OR3A2: variants seen among roughly 807,000 people sequenced by gnomAD.
The protein encoded by OR3A2 is olfactory receptor 3A2.
For missense variants in OR3A2, 318 were observed against 392.8 expected, an observed-to-expected ratio of 0.81 and a Z score of 1.61; for synonymous variants, 126 against 159.3, an observed-to-expected ratio of 0.79 and a Z score of 1.57.
At chr17:3,292,597 A>C in intron 3 of OR3A2, 1 of 1,578,720 alleles carries the variant, frequency 6.3e-7, no homozygotes. Flanking sequence ...TCCTGCAAAG[A>C]AACATCCAGG....
At chr17:3,364,257 TATA>T (rs2049544201) in intron 2 of OR3A2, among the ~76,000 whole-genome samples, 1 of 152,240 alleles carries the variant, frequency 6.6e-6, no homozygotes, top group African/African-American at 2.4e-5. Flanking sequence ...ATTTATGGGG[TATA>T]ATATGTTTTG....
intron 2 of OR3A2, among the ~76,000 whole-genome samples, chr17:3,352,218 T>C (rs1412219192): frequency 1.3e-5 from 2 of 151,906 alleles, no homozygotes; most frequent in Non-Finnish European, 2.9e-5. Flanking sequence ...CTTCACTTTG[T>C]TGATTGCTTC....
chr17:3,304,592 G>A (rs1393142098), intron 3 of OR3A2, among the ~76,000 whole-genome samples: 4 of 152,162 alleles, frequency 2.6e-5, no homozygotes, highest in Non-Finnish European at 5.9e-5. Flanking sequence ...AGTAAATCTG[G>A]TCCCTGTCAC....
At chr17:3,367,608 T>TA (rs2049576221) in intron 2 of OR3A2, among the ~76,000 whole-genome samples, 1 of 129,624 alleles carries the variant, frequency 7.7e-6, no homozygotes, top group African/African-American at 3.3e-5. Context: ...TGTGTATATA[T>TA]ATATATATAT....
At chr17:3,376,604 T>C (rs2150667548) in intron 2 of OR3A2, among the ~76,000 whole-genome samples, 1 of 152,278 alleles carries the variant, frequency 6.6e-6, no homozygotes, top group African/African-American at 2.4e-5. Context: ...CCAGCTTCCA[T>C]GCAGCCAGAA....
intron 1 of OR3A2, among the ~76,000 whole-genome samples, chr17:3,385,379 G>A (rs2049768972): frequency 6.6e-6 from 1 of 152,106 alleles, no homozygotes; most frequent in Admixed American, 6.5e-5. Context: ...GTAAATAGAT[G>A]TTAGATAGAT....
chr17:3,375,225 T>TTTTTC (rs2049671827), intron 2 of OR3A2, among the ~76,000 whole-genome samples: 1 of 82,854 alleles, frequency 1.2e-5, no homozygotes, highest in African/African-American at 5.5e-5. Context: ...TTCCTTTTTT[T>TTTTTC]TTTTCTTTTT....
At chr17:3,369,649 AT>A (rs1385989206) in intron 2 of OR3A2, among the ~76,000 whole-genome samples, 1 of 151,586 alleles carries the variant, frequency 6.6e-6, no homozygotes, top group African/African-American at 2.4e-5. Flanking sequence ...TTTGTTGAGG[AT>A]TTTTGCATCT....
intron 3 of OR3A2, among the ~76,000 whole-genome samples, chr17:3,307,939 A>C (rs12452726): frequency 0.17 from 26,023 of 152,144 alleles, 3,060 homozygotes; most frequent in Admixed American, 0.34. Context: ...TCAGAAACCC[A>C]AAATCTCAAC....
At chr17:3,285,862 T>C (rs1401194288), upstream of OR3A2, among the ~76,000 whole-genome samples, 1 of 152,204 alleles carries the variant, frequency 6.6e-6, no homozygotes, top group Admixed American at 6.5e-5. Context: ...CATGGTAACA[T>C]GCTAAGAACA....
intron 2 of OR3A2, among the ~76,000 whole-genome samples, chr17:3,379,768 C>G (rs1453869810): frequency 6.6e-6 from 1 of 152,190 alleles, no homozygotes; most frequent in Non-Finnish European, 1.5e-5. Flanking sequence ...CTAACACACC[C>G]CGTCCCTCAC....
At chr17:3,370,883 C>T (rs1435806673) in intron 2 of OR3A2, among the ~76,000 whole-genome samples, 1 of 151,988 alleles carries the variant, frequency 6.6e-6, no homozygotes, top group Non-Finnish European at 1.5e-5. Context: ...CTTGCACTGC[C>T]CTTAATCCAT....
chr17:3,376,478 C>T (rs1038833485), intron 2 of OR3A2, among the ~76,000 whole-genome samples: 16 of 162 alleles, frequency 0.099, no homozygotes, highest in South Asian at 0.25. Context: ...CTGTGGGGGA[C>T]GGAAGGGGTG....
chr17:3,318,454 G>T (rs894677524), intron 3 of OR3A2, among the ~76,000 whole-genome samples: 1 of 152,158 alleles, frequency 6.6e-6, no homozygotes, highest in Non-Finnish European at 1.5e-5. Context: ...GCCTGGGCAT[G>T]AGTCAGCCTC....
chr17:3,374,241 C>T (rs572003551), intron 2 of OR3A2, among the ~76,000 whole-genome samples: 5 of 152,250 alleles, frequency 3.3e-5, no homozygotes, highest in Admixed American at 6.5e-5. Flanking sequence ...TGTTCCTTCA[C>T]CTTAACTTTA....
rs760005941 is a variant in OR3A2 at position 3,291,691 on chromosome 17, G to T, written c.-84-12538C>A. 6.2e-7 allele frequency: 1 copy of T among 1,611,272 alleles called. No homozygotes were observed. Among genetic ancestry groups the T allele is most frequent in the Non-Finnish European group, 8.5e-7 (1 of 1,177,604 alleles). On this transcript the variant is annotated intron_variant, in intron 3 of 4. Coordinates refer to the OR3A2 transcript ENST00000573491. ...CTCCAGATGGCACTCTGCACATCAG[G>T]GTTTCTGAAGCTGTAGATGATTGGG...
At chr17:3,344,752 C>G (rs2049348393) in intron 2 of OR3A2, among the ~76,000 whole-genome samples, 1 of 152,148 alleles carries the variant, frequency 6.6e-6, no homozygotes, top group East Asian at 1.9e-4. Context: ...AAGATCTGGT[C>G]AAGCAGTATA....
intron 3 of OR3A2, among the ~76,000 whole-genome samples, chr17:3,319,404 T>G (rs1165563304): frequency 6.6e-6 from 1 of 152,098 alleles, no homozygotes; most frequent in Non-Finnish European, 1.5e-5. Context: ...ACTTTAAGTT[T>G]TAGGGTACAT....
intron 2 of OR3A2, among the ~76,000 whole-genome samples, chr17:3,352,821 T>A (rs988364246): frequency 1.3e-5 from 2 of 152,056 alleles, no homozygotes; most frequent in Non-Finnish European, 2.9e-5. Flanking sequence ...GCATTGAATC[T>A]GTAGGTCACT....
Sources: allele counts gnomAD v4.1 joint callset (sites outside exome capture counted in the v4.1 genomes callset), GRCh38; gene constraint gnomAD v4.1.1; transcripts MANE v1.5; gene names NCBI Gene and HGNC (gene_info 2026-07-23, HGNC 2026-07-21).